The following NRG1 variants were observed in gnomAD, a reference collection of about 807,000 sequenced individuals.
The protein encoded by NRG1 is neuregulin 1, also known as pro-neuregulin-1, membrane-bound isoform.
In NRG1, 18 loss-of-function variants were observed where a neutral mutation model predicts 63.8. The ratio of observed to expected loss-of-function variants is 0.28; its 90% CI spans 0.19 to 0.42. The LOEUF is 0.42. Among genes scored for constraint, NRG1 ranks in the 10% least tolerant of loss-of-function variants. NRG1 has a pLI of 1.00. For missense variants in NRG1, 762 were observed against 814.7 expected, an observed-to-expected ratio of 0.94 and a Z score of 0.79; for synonymous variants, 302 against 301.3, an observed-to-expected ratio of 1.00 and a Z score of -0.02.
At chr8:32,163,137 C>A (rs910763461) in intron 1 of NRG1, among the ~76,000 whole-genome samples, 5 of 152,142 alleles carry the variant, frequency 3.3e-5, no homozygotes, top group African/African-American at 9.7e-5. Context: ...ATTACAAGAG[C>A]GAGACAGGAA....
At chr8:32,300,333 A>C (rs1855442259) in intron 1 of NRG1, among the ~76,000 whole-genome samples, 2 of 152,338 alleles carry the variant, frequency 1.3e-5, no homozygotes, top group South Asian at 4.1e-4. Context: ...GTATAGCCAA[A>C]TTTTATCTTC....
intron 1 of NRG1, among the ~76,000 whole-genome samples, chr8:32,282,888 G>A (rs947357428): frequency 6.6e-6 from 1 of 152,012 alleles, no homozygotes; most frequent in Non-Finnish European, 1.5e-5. Flanking sequence ...GGGGAAAATA[G>A]AAGACAGGTT....
At chr8:32,228,448 T>C (rs1186389120) in intron 1 of NRG1, among the ~76,000 whole-genome samples, 3 of 152,316 alleles carry the variant, frequency 2.0e-5, no homozygotes, top group East Asian at 3.9e-4. Context: ...TAATGTTCAA[T>C]AGTAGCGTGA....
rs111977984 is a variant in NRG1, at chr8:32,640,245, T to TCACACACACACACACA, written c.502+23374_502+23389dup. On this transcript the variant is annotated intron_variant, in intron 5 of 11. Coordinates refer to ENST00000356819, the Ensembl canonical transcript of NRG1. ...TTTCTTTTGTTTTTTCTTCTTTTTGTCACACACACACACACACACACACAC... is the reference window on the plus strand; with the variant it reads ...TTTCTTTTGTTTTTTCTTCTTTTTGTCACACACACACACACACACACACACACACACACACACACAC... Among the ~76,000 whole-genome samples the TCACACACACACACACA allele has an allele frequency of 1.2e-3, 170 of 147,640 alleles. 1 individual carries two copies. The highest frequency in any genetic ancestry group is 3.9e-3 in the African/African-American group (157 of 40,072).
intron 1 of NRG1, among the ~76,000 whole-genome samples, chr8:31,667,947 A>G (rs1358689758): frequency 6.6e-6 from 1 of 152,190 alleles, no homozygotes; most frequent in Non-Finnish European, 1.5e-5. Context: ...TATTTCTGGG[A>G]TATTGGCTCA....
intron 1 of NRG1, among the ~76,000 whole-genome samples, chr8:32,062,334 T>A (rs987585477): frequency 2.0e-5 from 3 of 152,128 alleles, no homozygotes; most frequent in Admixed American, 6.6e-5. Context: ...GTCTTGCTAC[T>A]GAATCAATAG....
At chr8:32,152,762 A>G (rs1837640053) in intron 1 of NRG1, among the ~76,000 whole-genome samples, 1 of 152,158 alleles carries the variant, frequency 6.6e-6, no homozygotes, top group South Asian at 2.1e-4. Flanking sequence ...TACTAGGCAA[A>G]TTTGCTCATC....
intron 1 of NRG1, among the ~76,000 whole-genome samples, chr8:31,927,610 G>A (rs1358908772): frequency 6.7e-5 from 10 of 149,602 alleles, no homozygotes; most frequent in Middle Eastern, 6.9e-3. Context: ...CACTACGCCC[G>A]GCTAATTTTT....
rs1696256109 is a variant in NRG1 at position 32,339,561 on chromosome 8, T to A, written c.38-256267T>A. ...TACATCTGTTGCATAGGAATGATCA[T>A]AGTTACAACAGCTGACATTTAATGA... On this transcript the variant is annotated intron_variant, in intron 1 of 10. Transcript: ENST00000519301. Among the ~76,000 whole-genome samples the A allele has an allele frequency of 2.0e-5, 3 of 152,210 alleles. No homozygotes were observed. In the South Asian group the frequency reaches 6.2e-4, roughly 32 times the overall value.
intron 1 of NRG1, among the ~76,000 whole-genome samples, chr8:32,289,159 A>T (rs1477299650): frequency 6.6e-6 from 1 of 151,996 alleles, no homozygotes; most frequent in East Asian, 1.9e-4. Context: ...TTCGTCAATG[A>T]CTCCTTAAAA....
chr8:32,211,072 A>G (rs776345720), intron 1 of NRG1, among the ~76,000 whole-genome samples: 19 of 152,226 alleles, frequency 1.2e-4, no homozygotes, highest in Non-Finnish European at 2.4e-4. Flanking sequence ...GTTTTCTTCC[A>G]TAATCCTCTC....
At chr8:31,940,499 A>T (rs113488038) in intron 1 of NRG1, among the ~76,000 whole-genome samples, 6,243 of 152,162 alleles carry the variant, frequency 0.041, 452 homozygotes, top group African/African-American at 0.14. Flanking sequence ...GGAACTAGAG[A>T]AAAAAGAACA....
At chr8:32,731,959 C>G (rs1225470301) in intron 6 of NRG1, among the ~76,000 whole-genome samples, 1 of 152,346 alleles carries the variant, frequency 6.6e-6, no homozygotes, top group South Asian at 2.1e-4. Context: ...TCTCTCTGGT[C>G]ACCTAATCTG....
At chr8:31,954,831 A>G (rs1804096584) in intron 1 of NRG1, among the ~76,000 whole-genome samples, 1 of 152,142 alleles carries the variant, frequency 6.6e-6, no homozygotes, top group Admixed American at 6.5e-5. Context: ...CACAACTTTG[A>G]ATTAAGGTCT....
intron 1 of NRG1, among the ~76,000 whole-genome samples, chr8:32,131,882 C>T (rs907416879): frequency 2.0e-5 from 3 of 152,046 alleles, no homozygotes; most frequent in Non-Finnish European, 2.9e-5. Context: ...CTTGTATCTG[C>T]AGCCCTCTTA....
chr8:31,989,782 G>A (rs1005076732), intron 1 of NRG1, among the ~76,000 whole-genome samples: 1 of 152,064 alleles, frequency 6.6e-6, no homozygotes, highest in African/African-American at 2.4e-5. Context: ...TGGTATTCCA[G>A]GACGTGCCAA....
At chr8:32,100,063 C>T (rs1830374730) in intron 1 of NRG1, among the ~76,000 whole-genome samples, 1 of 151,944 alleles carries the variant, frequency 6.6e-6, no homozygotes, top group Non-Finnish European at 1.5e-5. Flanking sequence ...CTCTTTCTAC[C>T]CTTCTTCCAG....
chr8:31,931,703 G>T (rs1834877868), intron 1 of NRG1, among the ~76,000 whole-genome samples: 1 of 152,138 alleles, frequency 6.6e-6, no homozygotes, highest in East Asian at 1.9e-4. Flanking sequence ...GTGTCTCCAG[G>T]ATTTCTAATA....
intron 1 of NRG1, among the ~76,000 whole-genome samples, chr8:31,777,230 C>T (rs1371491308): frequency 6.6e-6 from 1 of 152,218 alleles, no homozygotes; most frequent in East Asian, 1.9e-4. Flanking sequence ...ACCTGTAATA[C>T]AGCTTATTAA....
Sources: allele counts gnomAD v4.1 joint callset (sites outside exome capture counted in the v4.1 genomes callset), GRCh38; gene constraint gnomAD v4.1.1; transcripts MANE v1.5; gene names NCBI Gene and HGNC (gene_info 2026-07-23, HGNC 2026-07-21).